The following CYB5RL variants were observed in gnomAD, a reference collection of about 807,000 sequenced individuals.
The protein encoded by CYB5RL is cytochrome b5 reductase like.
A neutral mutation model predicts 37.5 loss-of-function variants in CYB5RL; 38 were observed. That is an observed-to-expected ratio of 1.01 (90% CI 0.78 to 1.33). CYB5RL has a LOEUF of 1.33. CYB5RL is among the 40% of genes most tolerant of loss of function. The pLI is 0.00. For missense variants in CYB5RL, 388 were observed against 394.4 expected (o/e 0.98, Z 0.14); for synonymous variants, 141 against 151.9 (o/e 0.93, Z 0.53).
Position 54,171,755 on chromosome 1 carries a change from G to T in CYB5RL, c.*2864C>A. The T allele has an allele frequency of 3.2e-6, 1 of 315,094 alleles. No homozygotes were observed. The allele number at this position is 315,094 out of a possible 1,614,324, so 19.5% of individuals were successfully genotyped here. On this transcript the variant is annotated 3_prime_UTR_variant, in exon 8 of 8. Coordinates refer to ENST00000534324, the MANE Select transcript of CYB5RL (RefSeq NM_001031672.4). ...ACAACACGCAGTGGGCATCATCAGAGGAACAGCAGCTGATGGGAACCATGC... is the reference window on the plus strand; with the variant it reads ...ACAACACGCAGTGGGCATCATCAGATGAACAGCAGCTGATGGGAACCATGC...
chr1:54,177,966 T>C lies in CYB5RL; in HGVS notation c.744+1183A>G, dbSNP rs1660061120. 2.0e-5 allele frequency among the ~76,000 whole-genome samples: 3 copies of C among 152,308 alleles called. No individual in the cohort carries two copies. In the South Asian group the frequency reaches 6.2e-4, roughly 32 times the overall value. ...CTTCCTGCCCTCCTCCCAGCATCCT[T>C]GTCCAGGCTCTCAGGCAGGCTGCCC... On this transcript the variant is annotated intron_variant, in intron 7 of 7. Transcript: ENST00000534324.
chr1:54,176,784 G>A (rs1009923970), intron 7 of CYB5RL, among the ~76,000 whole-genome samples: 8 of 152,182 alleles, frequency 5.3e-5, no homozygotes, highest in Non-Finnish European at 8.8e-5. Context: ...GACGGATAGG[G>A]GACCCCACAA....
At chr1:54,179,928 T>A in intron 6 of CYB5RL, 1 of 454,040 alleles carries the variant, frequency 2.2e-6, no homozygotes, top group Non-Finnish European at 4.4e-6. Context: ...AGCACAGCAC[T>A]GGCACAAAAG....
intron 1 of CYB5RL, among the ~76,000 whole-genome samples, chr1:54,198,808 T>A (rs980294361): frequency 4.6e-5 from 7 of 151,548 alleles, no homozygotes; most frequent in Admixed American, 6.6e-5. Context: ...ATTTTTTTTT[T>A]ATTATTTTTA....
At chr1:54,188,310 G>A (rs1643920516) in intron 4 of CYB5RL, among the ~76,000 whole-genome samples, 1 of 152,230 alleles carries the variant, frequency 6.6e-6, no homozygotes, top group Admixed American at 6.5e-5. Flanking sequence ...TGGGACTACA[G>A]ATGGGAGAGT....
At chr1:54,183,325 C>T (rs1402102537) in intron 6 of CYB5RL, among the ~76,000 whole-genome samples, 1 of 152,172 alleles carries the variant, frequency 6.6e-6, no homozygotes, top group Non-Finnish European at 1.5e-5. Flanking sequence ...CATTTTGATT[C>T]ATTCTATAGG....
At chr1:54,181,467 G>A (rs570676414) in intron 6 of CYB5RL, among the ~76,000 whole-genome samples, 1 of 152,344 alleles carries the variant, frequency 6.6e-6, no homozygotes, top group Admixed American at 6.5e-5. Context: ...TCAGTCTTCA[G>A]GGCTGATGTA....
chr1:54,198,336 T>C (rs1400651810), intron 1 of CYB5RL, among the ~76,000 whole-genome samples: 4 of 119,106 alleles, frequency 3.4e-5, no homozygotes, highest in African/African-American at 1.2e-4. Context: ...TCTTTCTTTC[T>C]TTTTTTTTTT....
chr1:54,191,384 T>C (rs548763056), intron 3 of CYB5RL, among the ~76,000 whole-genome samples: 2 of 152,334 alleles, frequency 1.3e-5, no homozygotes, highest in South Asian at 2.1e-4. Context: ...TATAAGTTGA[T>C]GGGACCTCAG....
intron 1 of CYB5RL, among the ~76,000 whole-genome samples, chr1:54,198,374 C>T (rs1344919549): frequency 3.5e-4 from 53 of 151,038 alleles, no homozygotes; most frequent in Admixed American, 1.3e-4. Flanking sequence ...GCTCTGTTGC[C>T]CAGGCTGGAG....
intron 7 of CYB5RL, among the ~76,000 whole-genome samples, chr1:54,178,493 G>A (rs1249328856): frequency 6.6e-6 from 1 of 152,178 alleles, no homozygotes; most frequent in Non-Finnish European, 1.5e-5. Context: ...TAACCTATGG[G>A]GGTGGCCCCA....
intron 7 of CYB5RL, among the ~76,000 whole-genome samples, chr1:54,176,001 C>T (rs1660012448): frequency 6.6e-6 from 1 of 152,200 alleles, no homozygotes; most frequent in African/African-American, 2.4e-5. Context: ...CAGAACAGAG[C>T]CATCACTCTG....
intron 7 of CYB5RL, among the ~76,000 whole-genome samples, chr1:54,177,193 G>C (rs56067566): frequency 0.18 from 26,761 of 152,144 alleles, 2,601 homozygotes; most frequent in Middle Eastern, 0.23. Flanking sequence ...AGGACTGCAG[G>C]AGGCAGGACA....
At chr1:54,193,752 AT>A (rs1279046148) in intron 3 of CYB5RL, among the ~76,000 whole-genome samples, 1 of 152,140 alleles carries the variant, frequency 6.6e-6, no homozygotes, top group East Asian at 1.9e-4. Flanking sequence ...AGGCAGGTGG[AT>A]CAGTTGAGGT....
At chr1:54,194,549 C>T (rs1235826550) in intron 3 of CYB5RL, among the ~76,000 whole-genome samples, 1 of 152,166 alleles carries the variant, frequency 6.6e-6, no homozygotes. Context: ...TGGCTTACGC[C>T]TGTAATCCCA....
intron 7 of CYB5RL, among the ~76,000 whole-genome samples, chr1:54,177,003 G>A (rs1660038130): frequency 6.6e-6 from 1 of 152,206 alleles, no homozygotes; most frequent in Admixed American, 6.5e-5. Context: ...AGCCAGAAAA[G>A]CACAGCACAC....
At chr1:54,186,266 T>C (rs1407881620) in intron 5 of CYB5RL, 1 of 152,254 alleles carries the variant, frequency 6.6e-6, no homozygotes, top group Admixed American at 6.5e-5. Context: ...ATGTCATCTT[T>C]TTGAGCTTCA....
At chr1:54,186,667 G>A (rs1177220555) in intron 5 of CYB5RL, among the ~76,000 whole-genome samples, 1 of 151,038 alleles carries the variant, frequency 6.6e-6, no homozygotes, top group East Asian at 2.1e-4. Flanking sequence ...GCCATTTGGA[G>A]AGGATTTGTG....
chr1:54,187,893 T>C (rs1054699806), intron 4 of CYB5RL, 154 bp from the exon 5 acceptor site: 23 of 615,326 alleles, frequency 3.7e-5, no homozygotes, highest in African/African-American at 1.7e-4. Context: ...CTGGACAACA[T>C]AGTGAAACCC....
Sources: gnomAD v4.1 joint callset for allele counts (sites outside exome capture counted in the v4.1 genomes callset) on GRCh38, gnomAD v4.1.1 for gene constraint, MANE v1.5 for transcripts, NCBI Gene and HGNC (gene_info 2026-07-23, HGNC 2026-07-21) for gene names.